FBXL7: variants seen among roughly 807,000 people sequenced by gnomAD.
FBXL7 encodes the protein F-box/LRR-repeat protein 7.
In FBXL7, 12 loss-of-function variants were observed where a neutral mutation model predicts 38.3. The ratio of observed to expected loss-of-function variants is 0.31; its 90% CI spans 0.20 to 0.51. The LOEUF (loss-of-function observed/expected upper bound fraction) is 0.51. Among genes scored for constraint, FBXL7 ranks in the 20% least tolerant of loss-of-function variants. The pLI is 0.98. For synonymous variants in FBXL7, 297 were observed against 300.9 expected (o/e 0.99, Z 0.13); for missense variants, 567 against 676.4 (o/e 0.84, Z 1.79).
At chr5:15,528,881 G>C (rs1737332271) in intron 1 of FBXL7, among the ~76,000 whole-genome samples, 1 of 152,152 alleles carries the variant, frequency 6.6e-6, no homozygotes, top group Non-Finnish European at 1.5e-5. Context: ...TTGTGGAATA[G>C]CTAAATCAAG....
chr5:15,919,440 C>CAG (rs1164551304), intron 2 of FBXL7, among the ~76,000 whole-genome samples: 2 of 151,684 alleles, frequency 1.3e-5, no homozygotes. Context: ...ATTTTTTTTC[C>CAG]CCAGAAAAAG....
chr5:15,568,524 TC>T (rs1738662723), intron 1 of FBXL7, among the ~76,000 whole-genome samples: 1 of 151,864 alleles, frequency 6.6e-6, no homozygotes, highest in Non-Finnish European at 1.5e-5. Context: ...AAAAATTTTC[TC>T]CCATTTTGTA....
chr5:15,683,295 C>A lies in FBXL7; in HGVS notation c.127+67223C>A, dbSNP rs191719557. On this transcript the variant is annotated intron_variant, in intron 2 of 3. Transcript: ENST00000504595. ...AAAATGTTGTGAGTATATTTAGATT[C>A]TCTTGGGTCATGTGGCTTTATTCTA... 4.0e-3 allele frequency among the ~76,000 whole-genome samples: 607 copies of A among 152,200 alleles called. 2 individuals carry two copies. Among genetic ancestry groups the A allele is most frequent in the Non-Finnish European group, 7.1e-3 (481 of 68,008 alleles).
At chr5:15,592,496 T>C (rs1243219550) in intron 1 of FBXL7, among the ~76,000 whole-genome samples, 1 of 152,198 alleles carries the variant, frequency 6.6e-6, no homozygotes, top group East Asian at 1.9e-4. Context: ...CTTGACGCCA[T>C]CACAAATATT....
chr5:15,914,887 G>A (rs920936305), intron 2 of FBXL7, among the ~76,000 whole-genome samples: 3 of 152,144 alleles, frequency 2.0e-5, no homozygotes, highest in South Asian at 2.1e-4. Context: ...ACAGTATACT[G>A]GATGGAGAGG....
At chr5:15,745,190 T>C (rs1473010696) in intron 2 of FBXL7, among the ~76,000 whole-genome samples, 1 of 151,640 alleles carries the variant, frequency 6.6e-6, no homozygotes, top group African/African-American at 2.4e-5. Context: ...AATATTTAAT[T>C]ATTTGGAAAC....
chr5:15,747,458 A>T (rs1736044477), intron 2 of FBXL7, among the ~76,000 whole-genome samples: 2 of 152,058 alleles, frequency 1.3e-5, no homozygotes, highest in Non-Finnish European at 2.9e-5. Flanking sequence ...AAGTGTCTCA[A>T]CTCTTAGATT....
chr5:15,730,070 T>TA (rs1735538173), intron 2 of FBXL7, among the ~76,000 whole-genome samples: 1 of 152,194 alleles, frequency 6.6e-6, no homozygotes, highest in African/African-American at 2.4e-5. Flanking sequence ...CTTCTTCTGC[T>TA]ATCGAGTTAA....
intron 2 of FBXL7, among the ~76,000 whole-genome samples, chr5:15,774,415 G>C (rs923661191): frequency 6.6e-5 from 10 of 152,112 alleles, no homozygotes; most frequent in African/African-American, 2.2e-4. Flanking sequence ...GTGGAGGGTG[G>C]GGGGGCTACC....
chr5:15,836,358 T>C (rs1366025256), intron 2 of FBXL7, among the ~76,000 whole-genome samples: 1 of 152,120 alleles, frequency 6.6e-6, no homozygotes, highest in Non-Finnish European at 1.5e-5. Flanking sequence ...TTATATAGTA[T>C]TTTGAAAGGT....
rs1265403077 is a variant in FBXL7 at position 15,841,690 on chromosome 5, C to CT, written c.128-86198dup. 3.3e-5 allele frequency among the ~76,000 whole-genome samples: 5 copies of CT among 152,288 alleles called. No homozygotes were observed. The East Asian group carries it at 9.7e-4, about 29-fold the overall frequency. ...TTTCCTGGGCCAGGTCCAGGGACCC[C>CT]TTGCTGTGTGCAGCCTAGGGACTTG... is the stretch of plus-strand genomic sequence containing the variant. On this transcript the variant is annotated intron_variant, in intron 2 of 3. Coordinates refer to ENST00000504595, the MANE Select transcript of FBXL7 (RefSeq NM_012304.5).
chr5:15,701,219 C>T (rs1579389590), intron 2 of FBXL7, among the ~76,000 whole-genome samples: 1 of 151,882 alleles, frequency 6.6e-6, no homozygotes, highest in Non-Finnish European at 1.5e-5. Flanking sequence ...CTTGAAAGAC[C>T]GACTACTTTC....
intron 1 of FBXL7, among the ~76,000 whole-genome samples, chr5:15,590,741 T>C (rs1392394977): frequency 6.6e-6 from 1 of 152,080 alleles, no homozygotes; most frequent in South Asian, 2.1e-4. Flanking sequence ...TCCCCTGGAC[T>C]GTGGATGTGT....
In FBXL7 at chr5:15,733,958, T is replaced by G. The variant is rs916069546; in HGVS notation, c.127+117886T>G. Reference sequence around the variant, plus strand: ...CCCGTCTCTACTAAAAATACAAAAATTACCTGGGCTTGGTGGCATGTGCCT... The same window carrying G: ...CCCGTCTCTACTAAAAATACAAAAAGTACCTGGGCTTGGTGGCATGTGCCT... On this transcript the variant is annotated intron_variant, in intron 2 of 3. Transcript: ENST00000504595. Among the ~76,000 whole-genome samples the G allele has an allele frequency of 1.1e-4, 16 of 152,082 alleles. No homozygotes were observed. In the East Asian group the frequency reaches 3.1e-3, roughly 29 times the overall value.
chr5:15,932,748 C>T (rs1424539397), intron 3 of FBXL7, among the ~76,000 whole-genome samples: 1 of 152,174 alleles, frequency 6.6e-6, no homozygotes, highest in African/African-American at 2.4e-5. Context: ...TTGGTTTTCA[C>T]TCCACATCTA....
At chr5:15,900,512 T>C (rs1741209044) in intron 2 of FBXL7, among the ~76,000 whole-genome samples, 1 of 152,200 alleles carries the variant, frequency 6.6e-6, no homozygotes, top group Non-Finnish European at 1.5e-5. Context: ...TTCCTTTGCA[T>C]AGATTTTTCT....
intron 1 of FBXL7, among the ~76,000 whole-genome samples, chr5:15,596,230 A>C (rs911871616): frequency 6.6e-6 from 1 of 152,350 alleles, no homozygotes. Flanking sequence ...AATAACTAAG[A>C]AAAAGGCATT....
intron 1 of FBXL7, among the ~76,000 whole-genome samples, chr5:15,614,845 A>C (rs1442678210): frequency 2.0e-5 from 3 of 152,210 alleles, no homozygotes; most frequent in African/African-American, 7.2e-5. Context: ...CAAAGACAGC[A>C]GGAAGGGTCT....
Position 15,733,634 on chromosome 5 carries a change from T to C in FBXL7, c.127+117562T>C, listed in dbSNP as rs79013221. Among the ~76,000 whole-genome samples the C allele has an allele frequency of 5.7e-3, 874 of 152,282 alleles. 4 individuals carry two copies. Among genetic ancestry groups the C allele is most frequent in the African/African-American group, 0.02 (830 of 41,558 alleles). Reference sequence around the variant, plus strand: ...AGAGGCCAGAATTTGGAGTCTGACATAAATATAACGTGATTAAAATGTTTG... The same window carrying C: ...AGAGGCCAGAATTTGGAGTCTGACACAAATATAACGTGATTAAAATGTTTG... On this transcript the variant is annotated intron_variant, in intron 2 of 3. Coordinates refer to ENST00000504595, the MANE Select transcript of FBXL7 (RefSeq NM_012304.5).
Sources: gnomAD v4.1 joint callset for allele counts (sites outside exome capture counted in the v4.1 genomes callset) on GRCh38, gnomAD v4.1.1 for gene constraint, MANE v1.5 for transcripts, NCBI Gene and HGNC (gene_info 2026-07-23, HGNC 2026-07-21) for gene names.